RIMS1: variants seen among roughly 807,000 people sequenced by gnomAD.
The protein encoded by RIMS1 is regulating synaptic membrane exocytosis 1.
A neutral mutation model predicts 214.1 loss-of-function variants in RIMS1; 83 were observed. That is an observed-to-expected ratio of 0.39 (90% confidence interval 0.32 to 0.47). The LOEUF (loss-of-function observed/expected upper bound fraction) is 0.47, where lower values mean the gene tolerates loss of function less well. Among genes scored for constraint, RIMS1 ranks in the 20% least tolerant of loss-of-function variants. The pLI, the probability that RIMS1 is intolerant of heterozygous loss-of-function variation, is 0.99. For synonymous variants in RIMS1, 793 were observed against 786.8 expected (o/e 1.01, Z -0.13); for missense variants, 2,050 against 2,161.8 (o/e 0.95, Z 1.03).
chr6:72,263,631 G>T, intron 19 of RIMS1: 1 of 985,280 alleles, frequency 1.0e-6, no homozygotes, highest in Non-Finnish European at 1.2e-6. Context: ...TTTGCCTGAG[G>T]TTAGGAGTTG....
At position 72,022,640 on chromosome 6, in the gene RIMS1, A is replaced by G. The variant is rs563014476; in HGVS notation, c.245+53577A>G. 5.9e-5 allele frequency among the ~76,000 whole-genome samples: 9 copies of G among 152,316 alleles called. No individual in the cohort carries two copies. In the East Asian group the frequency reaches 1.7e-3, roughly 29 times the overall value. ...AGAAAACCTTGGTGAATTGTTAAGT[A>G]TGTTTAAGAAGATTTTAGTCGTGTT... On this transcript the variant is annotated intron_variant, in intron 2 of 33. Coordinates refer to ENST00000521978, the MANE Select transcript of RIMS1 (RefSeq NM_014989.7).
intron 1 of RIMS1, among the ~76,000 whole-genome samples, chr6:71,895,190 G>A (rs536344647): frequency 2.6e-5 from 4 of 152,172 alleles, no homozygotes; most frequent in Non-Finnish European, 2.9e-5. Context: ...ACTTTACATC[G>A]TCCATTTGAT....
intron 9 of RIMS1, among the ~76,000 whole-genome samples, chr6:72,238,392 A>G (rs775539057): frequency 2.0e-5 from 3 of 152,046 alleles, no homozygotes; most frequent in Non-Finnish European, 4.4e-5. Context: ...TATAAAGCAT[A>G]ATCATAATCA....
At chr6:72,313,452 GT>G (rs1444228206) in intron 27 of RIMS1, 53 bp from the exon 28 acceptor site, 1 of 1,541,842 alleles carries the variant, frequency 6.5e-7, no homozygotes, top group African/African-American at 1.4e-5. Flanking sequence ...CACCATCTAT[GT>G]TTTTTCCATT....
At position 72,190,280 on chromosome 6, in the gene RIMS1, A is replaced by G. The variant is rs112622044; in HGVS notation, c.1678+7131A>G. On this transcript the variant is annotated intron_variant, in intron 6 of 33. Transcript: ENST00000521978. Reference sequence around the variant, plus strand: ...AGAATTCGAGACCAGCCTGACCAACATGGAGAAACCCCATCTCTACTAAAA... The same window carrying G: ...AGAATTCGAGACCAGCCTGACCAACGTGGAGAAACCCCATCTCTACTAAAA... 5.5e-3 allele frequency among the ~76,000 whole-genome samples: 834 copies of G among 152,138 alleles called. 8 individuals are homozygous for G. Among genetic ancestry groups the G allele is most frequent in the African/African-American group, 0.02 (814 of 41,504 alleles).
chr6:72,309,934 C>T (rs2095427207), intron 27 of RIMS1, among the ~76,000 whole-genome samples: 1 of 151,804 alleles, frequency 6.6e-6, no homozygotes, highest in Non-Finnish European at 1.5e-5. Context: ...TAATTCAAGC[C>T]TTTTGCATAT....
intron 8 of RIMS1, among the ~76,000 whole-genome samples, chr6:72,236,568 T>A (rs2064152601): frequency 6.6e-6 from 1 of 152,126 alleles, no homozygotes; most frequent in African/African-American, 2.4e-5. Flanking sequence ...TGAATTTTAA[T>A]GTAAACAGTG....
intron 29 of RIMS1, among the ~76,000 whole-genome samples, chr6:72,380,957 A>G (rs999097215): frequency 1.3e-5 from 2 of 152,240 alleles, no homozygotes; most frequent in Admixed American, 6.5e-5. Context: ...CTCAATCATC[A>G]CAATTATTAA....
chr6:72,383,608 TA>T (rs1170633297), intron 29 of RIMS1, among the ~76,000 whole-genome samples: 2,116 of 85,922 alleles, frequency 0.025, 33 homozygotes, highest in African/African-American at 0.084. Flanking sequence ...ACCCCATCTC[TA>T]AAAAAAAAAA....
intron 1 of RIMS1, 56 bp downstream of exon 1, chr6:71,887,243 C>T: frequency 6.4e-7 from 1 of 1,555,296 alleles, no homozygotes. Context: ...CGTCCATTCA[C>T]CACTCACTCC....
At chr6:72,076,115 T>C (rs1252004565) in intron 2 of RIMS1, among the ~76,000 whole-genome samples, 1 of 152,224 alleles carries the variant, frequency 6.6e-6, no homozygotes, top group African/African-American at 2.4e-5. Flanking sequence ...CTTGAGAGGA[T>C]TTTAAATGAC....
intron 26 of RIMS1, among the ~76,000 whole-genome samples, chr6:72,294,180 A>G (rs759333542): frequency 2.0e-4 from 30 of 151,744 alleles, no homozygotes; most frequent in Non-Finnish European, 3.5e-4. Context: ...TCCACATGAC[A>G]GCTTTGTTTG....
chr6:72,263,158 C>A lies in RIMS1; in HGVS notation c.3117-1817C>A, dbSNP rs1014117936. 90 of 983,762 alleles carry A rather than the reference C, an allele frequency of 9.1e-5. 1 individual carries two copies. Among genetic ancestry groups the A allele is most frequent in the Non-Finnish European group, 1.0e-4 (86 of 828,582 alleles). The allele number at this position is 983,762 out of a possible 1,614,324, so 60.9% of individuals were successfully genotyped here. A position where few individuals can be genotyped will look rare whatever the true frequency, so the allele number is the denominator to read the frequency against. The stretch of plus-strand genomic sequence containing the variant: ...AGTCAAATACATTTTGGAAACTTTG[C>A]AACTGAAAGTGTCTACCTTGAAATT... On this transcript the variant is annotated intron_variant, in intron 19 of 33. Transcript: ENST00000521978.
At chr6:72,361,472 G>A (rs573899115) in intron 29 of RIMS1, among the ~76,000 whole-genome samples, 1 of 152,138 alleles carries the variant, frequency 6.6e-6, no homozygotes, top group African/African-American at 2.4e-5. Context: ...TATTCCAGGG[G>A]TCAGAAGTCT....
intron 2 of RIMS1, among the ~76,000 whole-genome samples, chr6:72,070,425 A>G (rs1425226865): frequency 6.6e-6 from 1 of 152,210 alleles, no homozygotes; most frequent in African/African-American, 2.4e-5. Flanking sequence ...CATTATAATA[A>G]ATGATTTCAA....
chr6:72,261,942 A>T (rs1318298126), intron 19 of RIMS1: 2 of 984,454 alleles, frequency 2.0e-6, no homozygotes, highest in Non-Finnish European at 2.4e-6. Context: ...ATCCAGGTTT[A>T]TTATTACTTG....
intron 23 of RIMS1, among the ~76,000 whole-genome samples, chr6:72,281,960 T>C (rs967804887): frequency 6.6e-6 from 1 of 152,100 alleles, no homozygotes; most frequent in Non-Finnish European, 1.5e-5. Flanking sequence ...GAGAGAATTG[T>C]GTTTTTTTTT....
intron 4 of RIMS1, among the ~76,000 whole-genome samples, chr6:72,165,522 T>G (rs1001166309): frequency 3.9e-5 from 6 of 152,178 alleles, no homozygotes; most frequent in Non-Finnish European, 8.8e-5. Flanking sequence ...TATATCTATC[T>G]GTGTGTGTCT....
At chr6:72,351,246 C>A (rs576580718) in intron 29 of RIMS1, among the ~76,000 whole-genome samples, 22 of 151,914 alleles carry the variant, frequency 1.4e-4, no homozygotes, top group South Asian at 4.1e-4. Flanking sequence ...TTGTTCCCAC[C>A]ATTAAATTTT....
Sources: gnomAD v4.1 joint callset for allele counts (sites outside exome capture counted in the v4.1 genomes callset) on GRCh38, gnomAD v4.1.1 for gene constraint, MANE v1.5 for transcripts, NCBI Gene and HGNC (gene_info 2026-07-23, HGNC 2026-07-21) for gene names.